Variants in POLR3H observed in about 807,000 individuals in gnomAD.
POLR3H encodes DNA-directed RNA polymerase III subunit RPC8.
POLR3H carries 17 observed loss-of-function variants against 25.5 expected under a neutral mutation model. That is an observed-to-expected ratio of 0.67 (90% CI 0.46 to 1.00). The LOEUF is 1.00. Among genes scored for constraint, POLR3H ranks in the 50% least tolerant of loss-of-function variants. The probability of loss-of-function intolerance (pLI) is 0.00; values close to 1 mark genes in which losing one functional copy is unlikely to be tolerated. For synonymous variants in POLR3H, 129 were observed against 103.0 expected (o/e 1.25, Z -1.53); for missense variants, 274 against 265.0 (o/e 1.03, Z -0.24).
intron 2 of POLR3H, among the ~76,000 whole-genome samples, chr22:41,535,562 C>T (rs2145556718): frequency 6.6e-6 from 1 of 152,376 alleles, no homozygotes; most frequent in Admixed American, 6.5e-5. Flanking sequence ...CGCAGTGGCT[C>T]ACGCCTGTAA....
intron 2 of POLR3H, among the ~76,000 whole-genome samples, chr22:41,535,070 A>G (rs9611606): frequency 0.2 from 30,260 of 152,040 alleles, 3,721 homozygotes; most frequent in Admixed American, 0.38. Flanking sequence ...TAGTTCCTCC[A>G]AACTGGAACT....
intron 1 of POLR3H, chr22:41,543,664 CA>C: frequency 2.2e-6 from 1 of 445,600 alleles, no homozygotes; most frequent in Non-Finnish European, 4.4e-6. Context: ...ACAACAACAA[CA>C]AAAACAATGC....
chr22:41,537,984 G>C (rs1026525912), intron 2 of POLR3H, among the ~76,000 whole-genome samples: 2 of 113,524 alleles, frequency 1.8e-5, no homozygotes, highest in African/African-American at 6.7e-5. Context: ...TTTTTTTTTT[G>C]AGATACAGTC....
rs113229682 is a variant in POLR3H at position 41,527,243 on chromosome 22, G to A, written c.*2040C>T. The A allele has an allele frequency of 7.4e-5, 120 of 1,612,936 alleles. 4 individuals carry two copies. Among genetic ancestry groups the A allele is most frequent in the African/African-American group, 5.6e-4 (42 of 74,352 alleles). The stretch of plus-strand genomic sequence containing the variant: ...CAGGTAGGGCCAGACAGGTGAGGAC[G>A]GTGCCCTCCTCTGCCTTATAACCTT... On this transcript the variant is annotated 3_prime_UTR_variant, in exon 6 of 6. Coordinates refer to ENST00000355209, the MANE Select transcript of POLR3H (RefSeq NM_001018050.4).
At chr22:41,531,343 G>A (rs1475250333) in intron 4 of POLR3H, among the ~76,000 whole-genome samples, 3 of 152,254 alleles carry the variant, frequency 2.0e-5, no homozygotes, top group Non-Finnish European at 4.4e-5. Flanking sequence ...GATGACAGGT[G>A]GTGAGAGAAC....
Position 41,544,197 on chromosome 22 carries a change from T to A in POLR3H, c.-96A>T. On this transcript the variant is annotated 5_prime_UTR_variant, in exon 1 of 6. Transcript: ENST00000355209. ...CCCGAGCCCCTTGGTCCCGTCCCAG[T>A]CGCTGAGGCCCCCAGGCTGGCGGTG... 1 of 713,150 alleles carries A rather than the reference T, an allele frequency of 1.4e-6. No homozygotes were observed. Among genetic ancestry groups the A allele is most frequent in the Non-Finnish European group, 2.4e-6 (1 of 422,918 alleles). 44.2% of individuals were successfully genotyped at this position (713,150 alleles called of 1,614,324 possible).
intron 2 of POLR3H, chr22:41,540,208 C>A (rs1488793647): frequency 3.4e-5 from 9 of 267,326 alleles, no homozygotes; most frequent in Non-Finnish European, 6.6e-5. Flanking sequence ...CCCCTTCCGT[C>A]TGCTCTCCAC....
At chr22:41,532,057 C>T (rs1012630080) in intron 4 of POLR3H, 37 bp downstream of exon 4, 2 of 1,598,940 alleles carry the variant, frequency 1.3e-6, no homozygotes, top group African/African-American at 1.3e-5. Context: ...GAGGCCTGAG[C>T]TCCCTGTGAC....
chr22:41,530,703 G>A lies in POLR3H; in HGVS notation c.545C>T (p.Ala182Val), dbSNP rs770966680. 2 of 1,613,266 alleles carry A rather than the reference G, an allele frequency of 1.2e-6. No homozygotes were observed. Among genetic ancestry groups the A allele is most frequent in the Non-Finnish European group, 1.7e-6 (2 of 1,180,000 alleles). ...TSSEELPKKE[A>V]PYTLVGSISE... ...GCCACTCACCACAAGCGTGTACGGA[G>A]CCTCCTTCTTTGGCAGCTCCTCACT... The change falls in exon 5 of 6, where the codon GCT becomes GTT. Residue 182 changes from alanine to valine, a missense_variant. Coordinates refer to ENST00000355209, the MANE Select transcript of POLR3H (RefSeq NM_001018050.4).
At chr22:41,533,340 T>C (rs1290824406) in intron 2 of POLR3H, among the ~76,000 whole-genome samples, 1 of 152,136 alleles carries the variant, frequency 6.6e-6, no homozygotes, top group Non-Finnish European at 1.5e-5. Flanking sequence ...ACCTTGTCAC[T>C]CAGGCCCTTG....
At chr22:41,538,048 C>A (rs1295742767) in intron 2 of POLR3H, among the ~76,000 whole-genome samples, 4 of 151,826 alleles carry the variant, frequency 2.6e-5, no homozygotes, top group Non-Finnish European at 4.4e-5. Flanking sequence ...TCACTGCAAC[C>A]TCTGCCTCCT....
intron 5 of POLR3H, among the ~76,000 whole-genome samples, 156 bp from the exon 6 acceptor site, chr22:41,529,492 G>A (rs908301951): frequency 9.9e-5 from 15 of 152,258 alleles, no homozygotes; most frequent in Non-Finnish European, 1.9e-4. Context: ...AGCCACAGCA[G>A]TGCTCCCAAC....
At chr22:41,537,255 T>C (rs1020468975) in intron 2 of POLR3H, among the ~76,000 whole-genome samples, 5 of 152,088 alleles carry the variant, frequency 3.3e-5, no homozygotes, top group African/African-American at 1.2e-4. Flanking sequence ...TCACAGATAT[T>C]TGATGAAGGA....
intron 1 of POLR3H, 90 bp downstream of exon 1, chr22:41,543,901 G>A: frequency 2.3e-6 from 2 of 885,808 alleles, no homozygotes; most frequent in Non-Finnish European, 3.8e-6. Context: ...CCACGGCCAG[G>A]GCTTGGCATG....
intron 1 of POLR3H, among the ~76,000 whole-genome samples, chr22:41,541,396 G>A (rs1170616928): frequency 6.6e-6 from 1 of 152,136 alleles, no homozygotes; most frequent in Non-Finnish European, 1.5e-5. Flanking sequence ...ACAAGACCTA[G>A]GCCCCAAGAA....
intron 5 of POLR3H, 95 bp from the exon 6 acceptor site, chr22:41,529,431 C>A: frequency 2.7e-6 from 3 of 1,117,632 alleles, no homozygotes; most frequent in Non-Finnish European, 4.0e-6. Context: ...CCAGCACAGG[C>A]AAAGAAGAGG....
chr22:41,535,598 G>C (rs1037148183), intron 2 of POLR3H, among the ~76,000 whole-genome samples: 2 of 151,302 alleles, frequency 1.3e-5, no homozygotes, highest in Non-Finnish European at 2.9e-5. Context: ...AGGCCGAGGC[G>C]GGCGGATCAC....
rs2145579791 is a variant in POLR3H, at chr22:41,544,124, G to A, written c.-23C>T. The A allele has an allele frequency of 6.8e-7, 1 of 1,469,880 alleles. No individual in the cohort carries two copies. Among genetic ancestry groups the A allele is most frequent in the Non-Finnish European group, 9.5e-7 (1 of 1,051,330 alleles). 91.1% of individuals were successfully genotyped at this position (1,469,880 alleles called of 1,614,324 possible). On this transcript the variant is annotated 5_prime_UTR_variant, in exon 1 of 6. Coordinates refer to ENST00000355209, the MANE Select transcript of POLR3H (RefSeq NM_001018050.4). Reference sequence around the variant, plus strand: ...CATCCCGGCCTGCGCTGGGGGCTCTGGGAACAGGAGGGTCAGTCACGCACC... The same window carrying A: ...CATCCCGGCCTGCGCTGGGGGCTCTAGGAACAGGAGGGTCAGTCACGCACC...
In POLR3H at chr22:41,528,802, C is replaced by A; in HGVS notation, c.*481G>T. The A allele has an allele frequency of 1.3e-6, 1 of 748,352 alleles. No individual in the cohort carries two copies. The highest frequency in any genetic ancestry group is 2.1e-6 in the Non-Finnish European group (1 of 481,496). The allele number at this position is 748,352 out of a possible 1,614,324, so 46.4% of individuals were successfully genotyped here. A position where few individuals can be genotyped will look rare whatever the true frequency, so the allele number is the denominator to read the frequency against. ...GGTTCTTAAAATAACTTTTTAGCCC[C>A]CGTCTTCCTATTTTGAGTTTGGTTC... is the stretch of plus-strand genomic sequence containing the variant. On this transcript the variant is annotated 3_prime_UTR_variant, in exon 6 of 6. Coordinates refer to ENST00000355209, the MANE Select transcript of POLR3H (RefSeq NM_001018050.4).
Sources: gnomAD v4.1 joint callset for allele counts (sites outside exome capture counted in the v4.1 genomes callset) on GRCh38, gnomAD v4.1.1 for gene constraint, MANE v1.5 for transcripts, NCBI Gene and HGNC (gene_info 2026-07-23, HGNC 2026-07-21) for gene names.